The following LIMK1 variants were observed in gnomAD, a reference collection of about 807,000 sequenced individuals.
LIMK1 encodes LIM motif-containing protein kinase.
Under a neutral mutation model 77.6 loss-of-function variants are expected in LIMK1, and 21 were observed. That is an observed-to-expected ratio of 0.27 (90% confidence interval 0.19 to 0.39). LIMK1 has a LOEUF of 0.39. Among genes scored for constraint, LIMK1 ranks in the 10% least tolerant of loss-of-function variants. The probability of loss-of-function intolerance (pLI) is 1.00; values close to 1 mark genes in which losing one functional copy is unlikely to be tolerated. For missense variants in LIMK1, 696 were observed against 901.6 expected (o/e 0.77, Z 2.92); for synonymous variants, 358 against 370.0 (o/e 0.97, Z 0.37).
At chr7:74,098,477 A>G (rs2115668068) in intron 4 of LIMK1, among the ~76,000 whole-genome samples, 1 of 152,242 alleles carries the variant, frequency 6.6e-6, no homozygotes, top group Middle Eastern at 3.4e-3. Flanking sequence ...GAGTAGACAG[A>G]CCCGAATGAC....
At chr7:74,117,580 G>T (rs1554699768) in intron 13 of LIMK1, among the ~76,000 whole-genome samples, 1 of 152,008 alleles carries the variant, frequency 6.6e-6, no homozygotes, top group Non-Finnish European at 1.5e-5. Context: ...CCTTCTACAA[G>T]CAGGTGACAC....
At chr7:74,105,114 C>T (rs1299200365) in intron 5 of LIMK1, among the ~76,000 whole-genome samples, 24 of 152,144 alleles carry the variant, frequency 1.6e-4, no homozygotes, top group Admixed American at 1.2e-3. Context: ...CTGCCACGCT[C>T]GGCTAATTTT....
chr7:74,104,625 CAAAAA>C (rs532503558), intron 5 of LIMK1, among the ~76,000 whole-genome samples: 3 of 134,472 alleles, frequency 2.2e-5, no homozygotes, highest in South Asian at 2.3e-4. Flanking sequence ...AACTCTGTCT[CAAAAA>C]AAAAAAAGAA....
intron 1 of LIMK1, among the ~76,000 whole-genome samples, 171 bp downstream of exon 1, chr7:74,084,216 C>A (rs998312338): frequency 2.0e-5 from 3 of 151,780 alleles, no homozygotes; most frequent in African/African-American, 7.3e-5. Flanking sequence ...CCCGGGATCC[C>A]CCTCCCCGGC....
At position 74,083,975 on chromosome 7, in the gene LIMK1, GC is replaced by G; in HGVS notation, c.-10del. 8 of 1,249,206 alleles carry G rather than the reference GC, an allele frequency of 6.4e-6. No individual in the cohort carries two copies. The highest frequency in any genetic ancestry group is 6.3e-6 in the Non-Finnish European group (6 of 956,030). The allele number at this position is 1,249,206 out of a possible 1,614,324, so 77.4% of individuals were successfully genotyped here. A position where few individuals can be genotyped will look rare whatever the true frequency, so the allele number is the denominator to read the frequency against. On this transcript the variant is annotated 5_prime_UTR_variant, in exon 1 of 16. Transcript: ENST00000336180. ...CCCAGCCCCAGCCCCGCCGGGCCCCGCCCCCCGTCGAGTGCATGAGGTTGAC... is the reference window on the plus strand; with the variant it reads ...CCCAGCCCCAGCCCCGCCGGGCCCCGCCCCCGTCGAGTGCATGAGGTTGAC...
In LIMK1 at chr7:74,118,421, CACACAG is replaced by C. The variant is rs879950976; in HGVS notation, c.1568-2160_1568-2155del. Among the ~76,000 whole-genome samples the C allele has an allele frequency of 2.6e-3, 367 of 140,144 alleles. 1 individual carries two copies. Among genetic ancestry groups the C allele is most frequent in the Admixed American group, 5.3e-3 (71 of 13,338 alleles). 91.9% of individuals were successfully genotyped at this position (140,144 alleles called of 152,430 possible). On this transcript the variant is annotated intron_variant, in intron 13 of 15. Transcript: ENST00000336180. ...ACACACACACACACACACACACACACACACAGAGTTAACATAGCCCGCAAAGAAGAC... is the reference window on the plus strand; with the variant it reads ...ACACACACACACACACACACACACACAGTTAACATAGCCCGCAAAGAAGAC...
At chr7:74,091,877 G>T (rs1242260116) in intron 2 of LIMK1, among the ~76,000 whole-genome samples, 5 of 151,834 alleles carry the variant, frequency 3.3e-5, no homozygotes, top group African/African-American at 1.2e-4. Flanking sequence ...CACAAAGCCA[G>T]CGTGCGGGAG....
chr7:74,108,896 C>G lies in LIMK1; in HGVS notation c.1153-9C>G. 1.2e-6 allele frequency: 2 copies of G among 1,611,760 alleles called. No individual in the cohort carries two copies. The highest frequency in any genetic ancestry group is 1.7e-6 in the Non-Finnish European group (2 of 1,178,572). On this transcript the variant is annotated splice_polypyrimidine_tract_variant and intron_variant, in intron 9 of 15. Transcript: ENST00000336180. ...AGAGCCCGGGCCCAGCCTGTTTGTG[C>G]CCCGCCAGGTGAAGGTCATGCGATG...
chr7:74,115,424 A>C (rs1184405886), intron 12 of LIMK1: 4 of 195,344 alleles, frequency 2.0e-5, no homozygotes, highest in Non-Finnish European at 4.3e-5. Context: ...CTCCGTCTGA[A>C]AAAAAAAACA....
At chr7:74,088,826 A>G (rs1341442797) in intron 2 of LIMK1, among the ~76,000 whole-genome samples, 1 of 148,144 alleles carries the variant, frequency 6.8e-6, no homozygotes, top group Non-Finnish European at 1.5e-5. Context: ...AAAAAAATAG[A>G]AGGGAGTCGG....
chr7:74,111,977 C>A lies in LIMK1; in HGVS notation c.1389C>A (p.Ser463=). Residue 463 remains serine, a synonymous_variant, in exon 12 of 16, where the codon TCC becomes TCA. Coordinates refer to ENST00000336180, the MANE Select transcript of LIMK1 (RefSeq NM_002314.4). ...ACATCATCCACCGAGACCTCAACTC[C>A]CACAACTGCCTGGTCCGCGAGGTGA... is the stretch of plus-strand genomic sequence containing the variant. ...SMNIIHRDLN[S]HNCLVRENKN... The A allele has an allele frequency of 6.2e-7, 1 of 1,612,244 alleles. No homozygotes were observed. The highest frequency in any genetic ancestry group is 8.5e-7 in the Non-Finnish European group (1 of 1,179,368).
chr7:74,108,933 C>T lies in LIMK1; in HGVS notation c.1181C>T (p.Pro394Leu). 6.2e-7 allele frequency: 1 copy of T among 1,614,008 alleles called. No homozygotes were observed. The highest frequency in any genetic ancestry group is 8.5e-7 in the Non-Finnish European group (1 of 1,179,968). ...AAGGTCATGCGATGCCTGGAACACC[C>T]CAACGTGCTCAAGTTCATCGGGGTG... ...EVKVMRCLEH[P>L]NVLKFIGVLY... Residue 394 changes from proline (P) to leucine (L), a missense_variant, in exon 10 of 16, where the codon CCC becomes CTC. Physicochemically the swap from Pro to Leu is moderately conservative, Grantham distance 98. Around this residue, in one of 3 missense-constraint regions of LIMK1, gnomAD observed 438 missense variants for 602.3 expected, o/e 0.73. Transcript: ENST00000336180.
intron 4 of LIMK1, among the ~76,000 whole-genome samples, chr7:74,098,762 T>C (rs1799387556): frequency 6.6e-6 from 1 of 152,128 alleles, no homozygotes; most frequent in African/African-American, 2.4e-5. Flanking sequence ...GAGAATCGCT[T>C]GAACCCAGGA....
chr7:74,091,967 T>C (rs1479783492), intron 2 of LIMK1, among the ~76,000 whole-genome samples: 2 of 138,384 alleles, frequency 1.4e-5, no homozygotes, highest in African/African-American at 5.5e-5. Context: ...TTTTTTTTTT[T>C]TTTTTTTTTT....
chr7:74,094,554 C>G (rs1482204691), intron 2 of LIMK1, among the ~76,000 whole-genome samples: 1 of 152,096 alleles, frequency 6.6e-6, no homozygotes, highest in Non-Finnish European at 1.5e-5. Flanking sequence ...CATGTGTGAT[C>G]GGTGTAAGGG....
rs111582826 is a variant in LIMK1 at position 74,105,977 on chromosome 7, C to T, written c.711C>T (p.Asp237=). The part of the protein sequence containing the change: ...NGTPIRNVPL[D]EIDLLIQETS... ...CGCCCATCCGAAATGTGCCCCTGGACGAGGTACGGTCCTGAGTCTGTGGGG... is the reference window on the plus strand; with the variant it reads ...CGCCCATCCGAAATGTGCCCCTGGATGAGGTACGGTCCTGAGTCTGTGGGG... The change falls in exon 6 of 16, where the codon GAC becomes GAT. Residue 237 remains aspartate (D), a synonymous_variant. Coordinates refer to ENST00000336180, the MANE Select transcript of LIMK1 (RefSeq NM_002314.4). The T allele has an allele frequency of 2.8e-5, 45 of 1,614,044 alleles. 1 individual carries two copies. Among genetic ancestry groups the T allele is most frequent in the African/African-American group, 1.5e-4 (11 of 75,056 alleles).
intron 12 of LIMK1, among the ~76,000 whole-genome samples, chr7:74,114,831 C>T (rs1799774535): frequency 1.3e-5 from 2 of 150,022 alleles, no homozygotes; most frequent in African/African-American, 2.5e-5. Flanking sequence ...AGGAGAATGG[C>T]GTGAACCTGG....
rs188072312 is a variant in LIMK1, at chr7:74,090,859, G to A, written c.152+5015G>A. Reference sequence around the variant, plus strand: ...TCAGTCACTTGCAAATAATTATGGCGTGCCCACTCTGCATTAGGCCCCTCT... The same window carrying A: ...TCAGTCACTTGCAAATAATTATGGCATGCCCACTCTGCATTAGGCCCCTCT... On this transcript the variant is annotated intron_variant, in intron 2 of 15. Transcript: ENST00000336180. 1.1e-3 allele frequency among the ~76,000 whole-genome samples: 165 copies of A among 152,226 alleles called. 2 individuals are homozygous for A. Among genetic ancestry groups the A allele is most frequent in the Non-Finnish European group, 2.2e-4 (15 of 68,016 alleles).
At chr7:74,107,799 G>A in intron 8 of LIMK1, 72 bp from the exon 9 acceptor site, 1 of 1,182,752 alleles carries the variant, frequency 8.5e-7, no homozygotes, top group East Asian at 2.6e-5. Flanking sequence ...GTCCTGGGGT[G>A]GAGATGGGGC....
Sources: gnomAD v4.1 joint callset for allele counts (sites outside exome capture counted in the v4.1 genomes callset) on GRCh38, gnomAD v4.1.1 for gene constraint, gnomAD v4.1.1 regional missense constraint, MANE v1.5 for transcripts, NCBI Gene and HGNC (gene_info 2026-07-23, HGNC 2026-07-21) for gene names.